The following ROBO1 variants were observed in gnomAD, a reference collection of about 807,000 sequenced individuals.
ROBO1 encodes roundabout homolog 1.
ROBO1 carries 149 observed loss-of-function variants against 195.9 expected under a neutral mutation model. The ratio of observed to expected loss-of-function variants is 0.76; its 90% confidence interval spans 0.67 to 0.87. ROBO1 has a LOEUF of 0.87. Among genes scored for constraint, ROBO1 ranks in the 40% least tolerant of loss-of-function variants. The pLI is 0.00. For synonymous variants in ROBO1, 816 were observed against 733.2 expected (o/e 1.11, Z -1.82); for missense variants, 1,933 against 2,068.3 (o/e 0.93, Z 1.27).
chr3:78,620,094 A>C (rs935823762), intron 26 of ROBO1, among the ~76,000 whole-genome samples: 1 of 151,954 alleles, frequency 6.6e-6, no homozygotes, highest in Non-Finnish European at 1.5e-5. Flanking sequence ...ACAAAACAAA[A>C]CCATACAGGA....
At chr3:79,521,314 A>G (rs918962640) in intron 2 of ROBO1, among the ~76,000 whole-genome samples, 6 of 152,096 alleles carry the variant, frequency 3.9e-5, no homozygotes, top group African/African-American at 1.2e-4. Context: ...CACAACTCCA[A>G]TTTTCTTAGG....
At chr3:79,692,712 A>G (rs934294358) in intron 1 of ROBO1, among the ~76,000 whole-genome samples, 2 of 151,888 alleles carry the variant, frequency 1.3e-5, no homozygotes, top group Non-Finnish European at 2.9e-5. Flanking sequence ...AATTTCAGTT[A>G]GACAGGAGAA....
chr3:79,459,600 C>A (rs1482067494), intron 2 of ROBO1, among the ~76,000 whole-genome samples: 1 of 151,872 alleles, frequency 6.6e-6, no homozygotes, highest in Non-Finnish European at 1.5e-5. Context: ...TAAAAGTAAT[C>A]TTTCAATTAG....
At chr3:79,190,084 T>C (rs1036048905) in intron 2 of ROBO1, among the ~76,000 whole-genome samples, 2 of 151,726 alleles carry the variant, frequency 1.3e-5, no homozygotes, top group African/African-American at 4.8e-5. Context: ...ACAATGGTTC[T>C]AATTTAAAGC....
chr3:79,162,991 T>C (rs2080999923), intron 2 of ROBO1, among the ~76,000 whole-genome samples: 1 of 152,142 alleles, frequency 6.6e-6, no homozygotes, highest in Non-Finnish European at 1.5e-5. Flanking sequence ...GGCCTCACTT[T>C]TTAAATATTA....
chr3:79,454,364 G>A (rs893319402), intron 2 of ROBO1, among the ~76,000 whole-genome samples: 6 of 151,966 alleles, frequency 3.9e-5, no homozygotes, highest in Non-Finnish European at 8.8e-5. Context: ...TTAAATGGGC[G>A]TTCATTCAGT....
At chr3:79,594,670 T>C (rs918033395) in intron 1 of ROBO1, among the ~76,000 whole-genome samples, 1 of 152,002 alleles carries the variant, frequency 6.6e-6, no homozygotes. Flanking sequence ...CTTAGTTGCA[T>C]CTTTCTGAAG....
chr3:79,632,234 T>C (rs1407525849), intron 1 of ROBO1, among the ~76,000 whole-genome samples: 1 of 152,122 alleles, frequency 6.6e-6, no homozygotes, highest in African/African-American at 2.4e-5. Context: ...TCATCTTAAG[T>C]GTCTACCAGC....
At chr3:78,909,218 G>T (rs1427989405) in intron 4 of ROBO1, among the ~76,000 whole-genome samples, 1 of 150,986 alleles carries the variant, frequency 6.6e-6, no homozygotes, top group Non-Finnish European at 1.5e-5. Flanking sequence ...ACATATATTA[G>T]AAATATCAAA....
At chr3:79,345,824 C>T (rs114329109) in intron 2 of ROBO1, among the ~76,000 whole-genome samples, 54 of 152,212 alleles carry the variant, frequency 3.5e-4, no homozygotes, top group African/African-American at 1.3e-3. Flanking sequence ...TATAAGCTGT[C>T]CTCATGTTTT....
At chr3:79,730,715 C>T (rs1576293338) in intron 1 of ROBO1, among the ~76,000 whole-genome samples, 1 of 150,066 alleles carries the variant, frequency 6.7e-6, no homozygotes, top group East Asian at 2.0e-4. Context: ...GAAGGAATGG[C>T]AGTTGAAACA....
At chr3:79,179,741 A>G (rs1483964660) in intron 2 of ROBO1, among the ~76,000 whole-genome samples, 2 of 152,228 alleles carry the variant, frequency 1.3e-5, no homozygotes, top group East Asian at 3.9e-4. Flanking sequence ...AATACCCAGA[A>G]TAAAGGATTT....
At chr3:79,428,114 T>G (rs2038523945) in intron 2 of ROBO1, among the ~76,000 whole-genome samples, 1 of 152,090 alleles carries the variant, frequency 6.6e-6, no homozygotes, top group Admixed American at 6.6e-5. Flanking sequence ...GGAAAGCATC[T>G]AATAATCTGA....
chr3:79,448,831 G>A (rs1315084520), intron 2 of ROBO1, among the ~76,000 whole-genome samples: 1 of 152,152 alleles, frequency 6.6e-6, no homozygotes, highest in East Asian at 1.9e-4. Flanking sequence ...AATTCTGCTT[G>A]AGTGAATTAC....
intron 3 of ROBO1, among the ~76,000 whole-genome samples, chr3:78,995,159 G>A (rs374929711): frequency 6.6e-6 from 1 of 152,220 alleles, no homozygotes; most frequent in South Asian, 2.1e-4. Flanking sequence ...ATCAAAGTTG[G>A]GTAACTGATG....
intron 1 of ROBO1, among the ~76,000 whole-genome samples, chr3:79,702,456 G>GTTAT (rs1343895742): frequency 6.6e-6 from 1 of 151,740 alleles, no homozygotes; most frequent in Non-Finnish European, 1.5e-5. Context: ...TCTTGTGCTG[G>GTTAT]TTATTTTCTG....
intron 1 of ROBO1, among the ~76,000 whole-genome samples, chr3:79,623,563 A>G (rs151197694): frequency 2.0e-5 from 3 of 152,232 alleles, no homozygotes; most frequent in African/African-American, 7.2e-5. Context: ...AAGAATCAAC[A>G]GTTGAATCTA....
At chr3:79,306,879 C>T (rs2033245268) in intron 2 of ROBO1, among the ~76,000 whole-genome samples, 1 of 152,052 alleles carries the variant, frequency 6.6e-6, no homozygotes, top group Non-Finnish European at 1.5e-5. Flanking sequence ...TCCACATTTG[C>T]TTACATTTGG....
intron 8 of ROBO1, among the ~76,000 whole-genome samples, chr3:78,697,283 G>A (rs2081322235): frequency 6.6e-6 from 1 of 152,060 alleles, no homozygotes; most frequent in Non-Finnish European, 1.5e-5. Context: ...AGGGAGGGAC[G>A]GAGGAAGATT....
Sources: allele counts gnomAD v4.1 joint callset (sites outside exome capture counted in the v4.1 genomes callset), GRCh38; gene constraint gnomAD v4.1.1; transcripts MANE v1.5; gene names NCBI Gene and HGNC (gene_info 2026-07-23, HGNC 2026-07-21).